Variants in WDR12 observed in about 807,000 individuals in gnomAD.
The protein encoded by WDR12 is WD repeat domain 12, also known as ribosome biogenesis protein WDR12.
A neutral mutation model predicts 64.3 loss-of-function variants in WDR12; 42 were observed. That is an observed-to-expected ratio of 0.65 (90% CI 0.51 to 0.84). The LOEUF is 0.84. Among genes scored for constraint, WDR12 ranks in the 40% least tolerant of loss-of-function variants. WDR12 has a pLI of 0.00. For synonymous variants in WDR12, 158 were observed against 173.3 expected (o/e 0.91, Z 0.70); for missense variants, 469 against 494.6 (o/e 0.95, Z 0.49).
intron 7 of WDR12, among the ~76,000 whole-genome samples, chr2:202,893,897 A>G (rs1432544586): frequency 6.6e-6 from 1 of 152,170 alleles, no homozygotes; most frequent in African/African-American, 2.4e-5. Context: ...AATTTTTTTA[A>G]GTAAACCAGC....
In WDR12 at chr2:202,880,766, A is replaced by C. The variant is rs2105901743; in HGVS notation, c.*94T>G. The C allele has an allele frequency of 9.3e-7, 1 of 1,075,686 alleles. No homozygotes were observed. The highest frequency in any genetic ancestry group is 2.7e-5 in the East Asian group (1 of 37,180). 66.6% of individuals were successfully genotyped at this position (1,075,686 alleles called of 1,614,324 possible). ...GTGAAAACATTATATAAACTTCAAA[A>C]GGCTGCTTTCTGCATCTGCATCTAT... is the stretch of plus-strand genomic sequence containing the variant. On this transcript the variant is annotated 3_prime_UTR_variant, in exon 13 of 13. Transcript: ENST00000261015.
At chr2:202,894,530 A>T (rs756666722) in intron 7 of WDR12, 51 bp downstream of exon 7, 2 of 1,518,708 alleles carry the variant, frequency 1.3e-6, no homozygotes, top group Non-Finnish European at 8.9e-7. Flanking sequence ...TCCGAATTTA[A>T]ATTTTTGAAA....
chr2:202,911,653 A>T lies in WDR12; in HGVS notation c.-177T>A. The T allele has an allele frequency of 1.6e-6, 1 of 634,466 alleles. No individual in the cohort carries two copies. The highest frequency in any genetic ancestry group is 2.8e-5 in the East Asian group (1 of 36,244). 39.3% of individuals were successfully genotyped at this position (634,466 alleles called of 1,614,324 possible). On this transcript the variant is annotated 5_prime_UTR_variant, in exon 1 of 13. Coordinates refer to ENST00000261015, the MANE Select transcript of WDR12 (RefSeq NM_018256.4). ...CTGCCCTCCGGTCTCCTCTGCAGAAAGCACGAGGTTGCCCTTCTACAGACG... is the reference window on the plus strand; with the variant it reads ...CTGCCCTCCGGTCTCCTCTGCAGAATGCACGAGGTTGCCCTTCTACAGACG...
rs1687933992 is a variant in WDR12, at chr2:202,880,741, G to A, written c.*119C>T. ...AGTGATACGTTAGCTGTTATGAAGG[G>A]TGAAAACATTATATAAACTTCAAAA... On this transcript the variant is annotated 3_prime_UTR_variant, in exon 13 of 13. Transcript: ENST00000261015. 17 of 717,366 alleles carry A rather than the reference G, an allele frequency of 2.4e-5. No individual in the cohort carries two copies. Among genetic ancestry groups the A allele is most frequent in the Non-Finnish European group, 3.5e-5 (16 of 458,060 alleles). The allele number at this position is 717,366 out of a possible 1,614,324, so 44.4% of individuals were successfully genotyped here. A position where few individuals can be genotyped will look rare whatever the true frequency, so the allele number is the denominator to read the frequency against.
intron 6 of WDR12, among the ~76,000 whole-genome samples, chr2:202,894,996 T>C (rs1189516580): frequency 6.6e-6 from 1 of 152,200 alleles, no homozygotes; most frequent in African/African-American, 2.4e-5. Context: ...GATCTCACAA[T>C]CCATTTACTT....
At chr2:202,908,775 C>T (rs1688509086) in intron 1 of WDR12, among the ~76,000 whole-genome samples, 1 of 152,246 alleles carries the variant, frequency 6.6e-6, no homozygotes, top group Non-Finnish European at 1.5e-5. Flanking sequence ...AATAGAGGAA[C>T]ACATGACAGG....
At chr2:202,903,432 C>A (rs1688386108) in intron 2 of WDR12, among the ~76,000 whole-genome samples, 1 of 126,966 alleles carries the variant, frequency 7.9e-6, no homozygotes. Context: ...GAAGTCCTAG[C>A]TAGAGCAATC....
At chr2:202,904,209 G>T (rs1242214584) in intron 2 of WDR12, among the ~76,000 whole-genome samples, 1 of 146,476 alleles carries the variant, frequency 6.8e-6, no homozygotes, top group Admixed American at 6.8e-5. Context: ...ACAAAAAAAT[G>T]GAAAGATATT....
At chr2:202,890,629 G>A (rs975732785) in intron 8 of WDR12, among the ~76,000 whole-genome samples, 1 of 151,984 alleles carries the variant, frequency 6.6e-6, no homozygotes, top group Non-Finnish European at 1.5e-5. Flanking sequence ...AAATTAGCCA[G>A]GCATGGTGGC....
At chr2:202,897,908 A>AAAATATATATATAT (rs1466552102) in intron 4 of WDR12, among the ~76,000 whole-genome samples, 1 of 40,054 alleles carries the variant, frequency 2.5e-5, no homozygotes, top group Non-Finnish European at 5.0e-5. Flanking sequence ...AAAAAAAAAA[A>AAAATATATATATAT]ATATATATAT....
chr2:202,893,912 C>T (rs1476871775), intron 7 of WDR12, among the ~76,000 whole-genome samples: 1 of 151,946 alleles, frequency 6.6e-6, no homozygotes, highest in Non-Finnish European at 1.5e-5. Flanking sequence ...ACCAGCTTAC[C>T]TAAGAAATTA....
rs371861592 is a variant in WDR12, at chr2:202,882,692, ATAAC to A, written c.1194+15_1194+18del. On this transcript the variant is annotated intron_variant, in intron 12 of 12. Transcript: ENST00000261015. ...TTCTAGTCACTTTCCTCTTCATCAA[ATAAC>A]TAATAAATTCTTACCCCTGTGTCTG... 2.1e-5 allele frequency: 34 copies of A among 1,605,432 alleles called. No homozygotes were observed. The highest frequency in any genetic ancestry group is 6.7e-5 in the African/African-American group (5 of 74,826).
chr2:202,904,285 G>C (rs1051201930), intron 2 of WDR12, among the ~76,000 whole-genome samples: 2 of 150,518 alleles, frequency 1.3e-5, no homozygotes, highest in Admixed American at 6.7e-5. Flanking sequence ...GCAACCTACA[G>C]ATTCAATGCA....
At chr2:202,891,801 G>A (rs1282408323) in intron 8 of WDR12, among the ~76,000 whole-genome samples, 4 of 152,154 alleles carry the variant, frequency 2.6e-5, no homozygotes, top group Non-Finnish European at 4.4e-5. Flanking sequence ...TATAAATACA[G>A]GTCAGGTCAC....
chr2:202,889,869 A>C (rs1688117710), intron 8 of WDR12, among the ~76,000 whole-genome samples: 1 of 151,388 alleles, frequency 6.6e-6, no homozygotes, highest in African/African-American at 2.4e-5. Flanking sequence ...CTGAGCCATG[A>C]TTATGCCACT....
intron 2 of WDR12, among the ~76,000 whole-genome samples, chr2:202,906,655 G>C (rs543146023): frequency 6.6e-6 from 1 of 152,236 alleles, no homozygotes; most frequent in South Asian, 2.1e-4. Flanking sequence ...CCTGAGGTCA[G>C]GAGTTCGAGA....
intron 3 of WDR12, 35 bp from the exon 4 acceptor site, chr2:202,899,672 G>T: frequency 6.3e-7 from 1 of 1,582,904 alleles, no homozygotes; most frequent in Non-Finnish European, 8.7e-7. Flanking sequence ...AAGTCAGGTG[G>T]TCTAGTTTTA....
At chr2:202,895,409 T>C (rs916511843) in intron 6 of WDR12, among the ~76,000 whole-genome samples, 4 of 152,194 alleles carry the variant, frequency 2.6e-5, no homozygotes, top group Non-Finnish European at 5.9e-5. Flanking sequence ...ACTAGGCGTT[T>C]TCAGTTGATG....
At chr2:202,882,033 A>G (rs1687959426) in intron 12 of WDR12, among the ~76,000 whole-genome samples, 3 of 151,536 alleles carry the variant, frequency 2.0e-5, no homozygotes, top group African/African-American at 7.3e-5. Flanking sequence ...CCTCCCAGGC[A>G]CAAGTGATCC....
Sources: allele counts gnomAD v4.1 joint callset (sites outside exome capture counted in the v4.1 genomes callset), GRCh38; gene constraint gnomAD v4.1.1; transcripts MANE v1.5; gene names NCBI Gene and HGNC (gene_info 2026-07-23, HGNC 2026-07-21).